Variants in GATB observed in about 807,000 individuals in gnomAD.
GATB encodes glutamyl-tRNA(Gln) amidotransferase subunit B, mitochondrial.
GATB carries 39 observed loss-of-function variants against 62.3 expected under a neutral mutation model. The ratio of observed to expected loss-of-function variants is 0.63; its 90% CI spans 0.48 to 0.82. The LOEUF (loss-of-function observed/expected upper bound fraction) is 0.82, where lower values mean the gene tolerates loss of function less well. Ranked by LOEUF, GATB falls within the 40% of genes least tolerant of loss-of-function variation. The pLI is 0.00. For missense variants in GATB, 670 were observed against 684.0 expected (o/e 0.98, Z 0.23); for synonymous variants, 276 against 258.9 (o/e 1.07, Z -0.63).
intron 10 of GATB, 21 bp downstream of exon 10, chr4:151,688,609 G>T (rs1023109028): frequency 1.3e-6 from 2 of 1,588,456 alleles, no homozygotes; most frequent in Admixed American, 1.9e-5. Context: ...AAGGAAGAAA[G>T]AAATCCCAGA....
intron 5 of GATB, among the ~76,000 whole-genome samples, chr4:151,708,471 GT>G (rs113178632): frequency 0.013 from 1,968 of 152,178 alleles, 44 homozygotes; most frequent in African/African-American, 0.044. Context: ...TTATACTGAA[GT>G]TTTTTTTCAA....
At position 151,760,597 on chromosome 4, in the gene GATB, C is replaced by T. The variant is rs113053066; in HGVS notation, c.176+210G>A. ...TTTACACTCGCGAATTCCCCAACTACATCTATTTGAAAACAGTGGTTTATA... is the reference window on the plus strand; with the variant it reads ...TTTACACTCGCGAATTCCCCAACTATATCTATTTGAAAACAGTGGTTTATA... On this transcript the variant is annotated intron_variant, in intron 1 of 12. Transcript: ENST00000263985. 3.3e-5 allele frequency among the ~76,000 whole-genome samples: 5 copies of T among 152,328 alleles called. 1 individual carries two copies. The highest frequency in any genetic ancestry group is 1.2e-4 in the African/African-American group (5 of 41,566).
chr4:151,693,951 C>T (rs1192044640), intron 9 of GATB, among the ~76,000 whole-genome samples: 2 of 152,204 alleles, frequency 1.3e-5, no homozygotes, highest in Admixed American at 1.3e-4. Context: ...CCAAATAATT[C>T]AGGTACTACA....
At chr4:151,690,995 AAC>A (rs1371795531) in intron 9 of GATB, among the ~76,000 whole-genome samples, 7 of 152,204 alleles carry the variant, frequency 4.6e-5, no homozygotes, top group Admixed American at 1.3e-4. Flanking sequence ...TGAGGGAAGA[AAC>A]ACACACATTC....
At chr4:151,673,872 C>G (rs1025192532) in intron 11 of GATB, 1 of 152,170 alleles carries the variant, frequency 6.6e-6, no homozygotes, top group Admixed American at 6.5e-5. Context: ...TGGCCGAGAA[C>G]GGGCCAACCA....
chr4:151,707,307 T>C (rs539457336), intron 6 of GATB, among the ~76,000 whole-genome samples: 1 of 152,266 alleles, frequency 6.6e-6, no homozygotes, highest in Admixed American at 6.5e-5. Flanking sequence ...TCTTTTTTTT[T>C]CTTAGAGACA....
In GATB at chr4:151,710,439, C is replaced by A. The variant is rs149236720; in HGVS notation, c.764-2338G>T. On this transcript the variant is annotated intron_variant, in intron 5 of 12. Transcript: ENST00000263985. ...TTCTCTGGTTTCCTTTTCAGCAAAG[C>A]CTCTTAAACAAGTTTTGTTTGTTTG... 3.1e-3 allele frequency among the ~76,000 whole-genome samples: 477 copies of A among 152,272 alleles called. 2 individuals carry two copies. Among genetic ancestry groups the A allele is most frequent in the African/African-American group, 8.5e-3 (354 of 41,550 alleles).
intron 10 of GATB, among the ~76,000 whole-genome samples, chr4:151,683,137 T>C (rs1371205857): frequency 6.6e-6 from 1 of 152,238 alleles, no homozygotes; most frequent in Non-Finnish European, 1.5e-5. Context: ...CGATCTTCCC[T>C]GTCTTGACAA....
intron 2 of GATB, chr4:151,722,048 G>C: frequency 3.3e-6 from 2 of 615,302 alleles, no homozygotes; most frequent in South Asian, 4.0e-5. Context: ...ACACGTTACA[G>C]ATGCACAGAG....
chr4:151,754,141 C>G (rs1345257161), intron 2 of GATB, among the ~76,000 whole-genome samples: 2 of 152,034 alleles, frequency 1.3e-5, no homozygotes, highest in Non-Finnish European at 2.9e-5. Context: ...GTCTTCTTAC[C>G]TCTTTGCAAA....
intron 11 of GATB, chr4:151,676,529 G>A (rs1738009876): frequency 6.6e-6 from 1 of 151,910 alleles, no homozygotes. Context: ...CGAGTCACAA[G>A]AGGCTTGGGA....
At chr4:151,687,947 G>C (rs191992880) in intron 10 of GATB, among the ~76,000 whole-genome samples, 5 of 152,278 alleles carry the variant, frequency 3.3e-5, no homozygotes, top group Admixed American at 3.3e-4. Flanking sequence ...CTGCATTTCC[G>C]CAGTGTGAAA....
intron 9 of GATB, among the ~76,000 whole-genome samples, chr4:151,693,978 G>C (rs1458619302): frequency 1.3e-5 from 2 of 152,194 alleles, no homozygotes; most frequent in African/African-American, 4.8e-5. Flanking sequence ...CAGCAGACCG[G>C]CACTGCTAAA....
intron 9 of GATB, among the ~76,000 whole-genome samples, chr4:151,698,354 CT>C (rs1283113273): frequency 6.6e-6 from 1 of 152,124 alleles, no homozygotes; most frequent in Non-Finnish European, 1.5e-5. Flanking sequence ...GAGTTAAATT[CT>C]GAAGTTTTTC....
At chr4:151,732,585 G>A (rs1172331940) in intron 2 of GATB, among the ~76,000 whole-genome samples, 1 of 152,030 alleles carries the variant, frequency 6.6e-6, no homozygotes, top group Non-Finnish European at 1.5e-5. Context: ...CACTGCGGAA[G>A]GCTGCAGGGT....
intron 2 of GATB, among the ~76,000 whole-genome samples, chr4:151,725,247 T>C (rs914007679): frequency 3.9e-5 from 6 of 152,222 alleles, no homozygotes. Context: ...TAGTCTTCTA[T>C]CAGAGCCTCC....
At chr4:151,688,040 C>T (rs966923331) in intron 10 of GATB, among the ~76,000 whole-genome samples, 2 of 152,194 alleles carry the variant, frequency 1.3e-5, no homozygotes, top group African/African-American at 2.4e-5. Context: ...TGGTCATCTC[C>T]GCGGCTCTGT....
chr4:151,717,520 A>G (rs939822800), intron 3 of GATB, among the ~76,000 whole-genome samples: 2 of 152,112 alleles, frequency 1.3e-5, no homozygotes, highest in African/African-American at 4.8e-5. Flanking sequence ...TACTCTCCAC[A>G]CGGCCAACAG....
At chr4:151,748,195 C>T (rs749695551) in intron 2 of GATB, among the ~76,000 whole-genome samples, 58 of 152,182 alleles carry the variant, frequency 3.8e-4, no homozygotes, top group Non-Finnish European at 4.7e-4. Flanking sequence ...AAAAAGAGCC[C>T]GCATTGCCAA....
Sources: gnomAD v4.1 joint callset for allele counts (sites outside exome capture counted in the v4.1 genomes callset) on GRCh38, gnomAD v4.1.1 for gene constraint, MANE v1.5 for transcripts, NCBI Gene and HGNC (gene_info 2026-07-23, HGNC 2026-07-21) for gene names.